The following LRP2 variants were observed in gnomAD, a reference collection of about 807,000 sequenced individuals.
LRP2 encodes LDL receptor related protein 2.
Under a neutral mutation model 531.0 loss-of-function variants are expected in LRP2, and 172 were observed. The observed-to-expected ratio is 0.32, with a 90% CI of 0.29 to 0.37. The LOEUF is 0.37. Ranked by LOEUF, LRP2 falls within the 10% of genes least tolerant of loss-of-function variation. The pLI is 1.00. For missense variants in LRP2, 5,167 were observed against 5,868.3 expected, an observed-to-expected ratio of 0.88 and a Z score of 3.90; for synonymous variants, 1,992 against 2,027.6, an observed-to-expected ratio of 0.98 and a Z score of 0.47.
At chr2:169,340,754 T>C (rs1235519953) in intron 1 of LRP2, among the ~76,000 whole-genome samples, 4 of 152,216 alleles carry the variant, frequency 2.6e-5, no homozygotes, top group African/African-American at 9.6e-5. Flanking sequence ...GAGAATTAAA[T>C]GTTTGTCTTG....
chr2:169,285,325 T>C lies in LRP2; in HGVS notation c.1043-2324A>G, dbSNP rs563619643. Among the ~76,000 whole-genome samples, 102 of 152,120 alleles carry C rather than the reference T, an allele frequency of 6.7e-4. 2 individuals are homozygous for C. The highest frequency in any genetic ancestry group is 6.5e-5 in the Admixed American group (1 of 15,292). The stretch of plus-strand genomic sequence containing the variant: ...ACAGGATTTGAATGAGTGTATAAAA[T>C]TGCTGTCACTTTTGTGACAATAAGA... On this transcript the variant is annotated intron_variant, in intron 9 of 78. Transcript: ENST00000649046.
At chr2:169,140,198 C>G (rs1685667767) in intron 72 of LRP2, among the ~76,000 whole-genome samples, 1 of 152,194 alleles carries the variant, frequency 6.6e-6, no homozygotes, top group Non-Finnish European at 1.5e-5. Flanking sequence ...CTACCTAGAG[C>G]TTGTTAGAAA....
intron 5 of LRP2, 114 bp from the exon 6 acceptor site, chr2:169,294,375 G>A (rs1169194310): frequency 1.3e-6 from 1 of 791,992 alleles, no homozygotes; most frequent in African/African-American, 1.7e-5. Context: ...TTAAGCAGTG[G>A]TGTGCTGGTA....
At chr2:169,267,050 G>T (rs898232283) in intron 16 of LRP2, among the ~76,000 whole-genome samples, 18 of 151,558 alleles carry the variant, frequency 1.2e-4, no homozygotes, top group Admixed American at 2.6e-4. Flanking sequence ...ACCACATCTG[G>T]CTAATTTTTT....
chr2:169,224,204 G>A (rs1689119543), intron 33 of LRP2, among the ~76,000 whole-genome samples: 1 of 152,210 alleles, frequency 6.6e-6, no homozygotes, highest in African/African-American at 2.4e-5. Flanking sequence ...GAGAAAAACC[G>A]TCTTGCCAGC....
chr2:169,150,408 TA>T, intron 68 of LRP2, among the ~76,000 whole-genome samples: 2 of 152,334 alleles, frequency 1.3e-5, no homozygotes, highest in Admixed American at 1.3e-4. Context: ...GATTTATAGA[TA>T]AATTGCAAAT....
rs1370040334 is a variant in LRP2, at chr2:169,170,226, G to A, written c.11380+325C>T. Among the ~76,000 whole-genome samples, 3 of 152,136 alleles carry A rather than the reference G, an allele frequency of 2.0e-5. No individual in the cohort carries two copies. The East Asian group carries it at 5.8e-4, about 29-fold the overall frequency. ...TAGGAGCACATGCATATTCCTTAGG[G>A]TGACTTTCCGTGGAATAGTAGCAAG... On this transcript the variant is annotated intron_variant, in intron 59 of 78. Coordinates refer to ENST00000649046, the MANE Select transcript of LRP2 (RefSeq NM_004525.3).
chr2:169,218,380 AT>A (rs1361988511), intron 34 of LRP2, among the ~76,000 whole-genome samples: 1 of 152,140 alleles, frequency 6.6e-6, no homozygotes, highest in Admixed American at 6.6e-5. Flanking sequence ...TCCAAATGAT[AT>A]CTCTTCCACC....
intron 43 of LRP2, 28 bp from the exon 44 acceptor site, chr2:169,201,898 A>G (rs1318551159): frequency 1.2e-6 from 2 of 1,613,500 alleles, no homozygotes; most frequent in Admixed American, 1.7e-5. Context: ...ATGAGAACAA[A>G]CCCTCTTGAT....
intron 1 of LRP2, among the ~76,000 whole-genome samples, chr2:169,332,740 C>T (rs138702180): frequency 1.3e-5 from 2 of 152,158 alleles, no homozygotes; most frequent in Non-Finnish European, 2.9e-5. Context: ...CACACACATA[C>T]GTACATGCAC....
Position 169,138,688 on chromosome 2 carries a change from C to T in LRP2, c.13407G>A (p.Lys4469=). The stretch of plus-strand genomic sequence containing the variant: ...TCACCCCATTCCCATTTTCAGAGGG[C>T]TTGACGAGACTGCTTAAGCTGGAAA... ...PKLPSLSSLV[K]PSENGNGVTF... The change falls in exon 75 of 79, where the codon AAG becomes AAA. Residue 4469 remains lysine, a synonymous_variant. Coordinates refer to ENST00000649046, the MANE Select transcript of LRP2 (RefSeq NM_004525.3). 1 of 1,614,002 alleles carries T rather than the reference C, an allele frequency of 6.2e-7. No individual in the cohort carries two copies. Among genetic ancestry groups the T allele is most frequent in the South Asian group, 1.1e-5 (1 of 91,082 alleles).
intron 9 of LRP2, among the ~76,000 whole-genome samples, chr2:169,286,798 A>C (rs1683870692): frequency 6.6e-6 from 1 of 152,216 alleles, no homozygotes; most frequent in African/African-American, 2.4e-5. Flanking sequence ...TTCAACTGTA[A>C]GACAGCTCAG....
At chr2:169,265,762 T>G (rs2673175) in intron 16 of LRP2, among the ~76,000 whole-genome samples, 143,964 of 152,022 alleles carry the variant, frequency 0.95, 68,663 homozygotes, top group East Asian at 1. Flanking sequence ...ATCATGTAAC[T>G]TGTTTCAGCA....
At chr2:169,329,092 T>C (rs1388153692) in intron 1 of LRP2, among the ~76,000 whole-genome samples, 1 of 152,086 alleles carries the variant, frequency 6.6e-6, no homozygotes, top group East Asian at 1.9e-4. Context: ...GCAATGGAGA[T>C]AATAAAAACT....
intron 5 of LRP2, 127 bp downstream of exon 5, chr2:169,294,473 G>A: frequency 1.3e-6 from 1 of 799,084 alleles, no homozygotes; most frequent in Non-Finnish European, 2.2e-6. Context: ...CCTACCAACG[G>A]CTGACTTCAA....
rs1191400022 is a variant in LRP2, at chr2:169,213,718, G to C, written c.5979C>G (p.Asn1993Lys). The C allele has an allele frequency of 6.8e-6, 11 of 1,613,800 alleles. No homozygotes were observed. Among genetic ancestry groups the C allele is most frequent in the Non-Finnish European group, 8.5e-6 (10 of 1,179,836 alleles). ...GAACATTATCTCTCAAGACTATTTTGTTGGCCCCAGTGGCCTTATCAACTC... is the reference window on the plus strand; with the variant it reads ...GAACATTATCTCTCAAGACTATTTTCTTGGCCCCAGTGGCCTTATCAACTC... ...IERVDKATGANKIVLRDNVPN... is the reference protein window; with the variant it reads ...IERVDKATGAKKIVLRDNVPN... The change falls in exon 36 of 79, where the codon AAC becomes AAG. Residue 1993 changes from asparagine (N) to lysine (K), a missense_variant. By Grantham distance (94) the Asn-to-Lys change is moderately conservative (BLOSUM62 0). Coordinates refer to ENST00000649046, the MANE Select transcript of LRP2 (RefSeq NM_004525.3).
intron 1 of LRP2, among the ~76,000 whole-genome samples, chr2:169,339,170 A>C (rs932823622): frequency 2.0e-5 from 3 of 151,592 alleles, no homozygotes; most frequent in Non-Finnish European, 4.4e-5. Flanking sequence ...TAGCTCTTCT[A>C]TATTCATCAT....
At chr2:169,234,017 T>C (rs1345372211) in intron 29 of LRP2, among the ~76,000 whole-genome samples, 2 of 152,236 alleles carry the variant, frequency 1.3e-5, no homozygotes, top group African/African-American at 4.8e-5. Context: ...TTCCACGGTC[T>C]TGTGCTGCCA....
chr2:169,199,016 G>A (rs1170444970), intron 44 of LRP2, 105 bp from the exon 45 acceptor site: 2 of 1,209,200 alleles, frequency 1.7e-6, no homozygotes, highest in Admixed American at 3.8e-5. Context: ...ACCACTGGAA[G>A]GGCGGCATTT....
Sources: allele counts gnomAD v4.1 joint callset (sites outside exome capture counted in the v4.1 genomes callset), GRCh38; gene constraint gnomAD v4.1.1; transcripts MANE v1.5; gene names NCBI Gene and HGNC (gene_info 2026-07-23, HGNC 2026-07-21).